CYP7B1: variants seen among roughly 807,000 people sequenced by gnomAD.
The protein encoded by CYP7B1 is cytochrome P450 7B1.
Under a neutral mutation model 42.7 loss-of-function variants are expected in CYP7B1, and 29 were observed. That is an observed-to-expected ratio of 0.68 (90% CI 0.51 to 0.93). CYP7B1 has a LOEUF of 0.93. CYP7B1 is among the 40% of genes least tolerant of loss of function. The probability of loss-of-function intolerance (pLI) is 0.00; values close to 1 mark genes in which losing one functional copy is unlikely to be tolerated. For synonymous variants in CYP7B1, 235 were observed against 218.2 expected, an observed-to-expected ratio of 1.08 and a Z score of -0.68; for missense variants, 655 against 600.5, an observed-to-expected ratio of 1.09 and a Z score of -0.95.
At chr8:64,779,282 C>T (rs1182459959) in intron 1 of CYP7B1, among the ~76,000 whole-genome samples, 2 of 151,986 alleles carry the variant, frequency 1.3e-5, no homozygotes. Flanking sequence ...GACTTTCAAC[C>T]TCTATAAAAT....
chr8:64,591,393 T>C lies in CYP7B1; in HGVS notation c.*5249A>G, dbSNP rs1384362570. Among the ~76,000 whole-genome samples the C allele has an allele frequency of 6.6e-6, 1 of 152,196 alleles. No homozygotes were observed. Among genetic ancestry groups the C allele is most frequent in the Non-Finnish European group, 1.5e-5 (1 of 68,016 alleles). On this transcript the variant is annotated 3_prime_UTR_variant, in exon 6 of 6. Coordinates refer to ENST00000310193, the MANE Select transcript of CYP7B1 (RefSeq NM_004820.5). ...TACAAGTAAACAATAGTTTGCAAGA[T>C]TGGCAAATTTAATAGGTTAAAAAAT...
In CYP7B1 at chr8:64,593,230, A is replaced by AGGGG. The variant is rs138770801; in HGVS notation, c.*3411_*3412insCCCC. On this transcript the variant is annotated 3_prime_UTR_variant, in exon 6 of 6. Transcript: ENST00000310193. ...TGTGGTGGACTAAAGGCTAGGGCCC[A>AGGGG]GGGTGTGTGTGTGTGTGTGTGTGTG... 6.2e-5 allele frequency among the ~76,000 whole-genome samples: 7 copies of AGGGG among 113,758 alleles called. No homozygotes were observed. The South Asian group carries it at 1.3e-3, about 21-fold the overall frequency. The allele number at this position is 113,758 out of a possible 152,430, so 74.6% of individuals were successfully genotyped here. A position where few individuals can be genotyped will look rare whatever the true frequency, so the allele number is the denominator to read the frequency against.
chr8:64,599,290 G>T (rs1378404478), intron 5 of CYP7B1, among the ~76,000 whole-genome samples: 1 of 151,994 alleles, frequency 6.6e-6, no homozygotes, highest in Non-Finnish European at 1.5e-5. Context: ...CTGGGTTCAC[G>T]CCATTCTCCT....
Position 64,611,789 on chromosome 8 carries a change from A to T in CYP7B1, c.1057+3237T>A, listed in dbSNP as rs377013472. Reference sequence around the variant, plus strand: ...CAGTTCTGATTTACCTTGACTTTCCAGAGTATGTTTGCTCTTTTCACTGGT... The same window carrying T: ...CAGTTCTGATTTACCTTGACTTTCCTGAGTATGTTTGCTCTTTTCACTGGT... On this transcript the variant is annotated intron_variant, in intron 4 of 5. Coordinates refer to ENST00000310193, the MANE Select transcript of CYP7B1 (RefSeq NM_004820.5). 2.6e-5 allele frequency among the ~76,000 whole-genome samples: 4 copies of T among 152,092 alleles called. No homozygotes were observed. In the East Asian group the frequency reaches 5.8e-4, roughly 22 times the overall value.
chr8:64,628,357 A>T (rs562937585), intron 1 of CYP7B1, among the ~76,000 whole-genome samples: 1 of 152,332 alleles, frequency 6.6e-6, no homozygotes, highest in South Asian at 2.1e-4. Context: ...ATCTGGAAAC[A>T]AATTTTGGAG....
chr8:64,650,602 C>T (rs1298058398), intron 1 of CYP7B1, among the ~76,000 whole-genome samples: 1 of 152,106 alleles, frequency 6.6e-6, no homozygotes, highest in Non-Finnish European at 1.5e-5. Flanking sequence ...GAGCCTAGAT[C>T]GTGCTGTTGC....
Position 64,596,358 on chromosome 8 carries a change from T to C in CYP7B1, c.*284A>G. 1 of 310,502 alleles carries C rather than the reference T, an allele frequency of 3.2e-6. No homozygotes were observed. Among genetic ancestry groups the C allele is most frequent in the South Asian group, 4.1e-5 (1 of 24,652 alleles). 19.2% of individuals were successfully genotyped at this position (310,502 alleles called of 1,614,324 possible). ...TATTGGTGTGAAGGTACATTTATTA[T>C]AACAGGTGAAAATCACAACAAGGAG... is the stretch of plus-strand genomic sequence containing the variant. On this transcript the variant is annotated 3_prime_UTR_variant, in exon 6 of 6. Coordinates refer to ENST00000310193, the MANE Select transcript of CYP7B1 (RefSeq NM_004820.5).
At chr8:64,771,030 G>C (rs1322300369) in intron 1 of CYP7B1, among the ~76,000 whole-genome samples, 2 of 125,276 alleles carry the variant, frequency 1.6e-5, no homozygotes, top group Admixed American at 8.3e-5. Flanking sequence ...AGAATCTCAA[G>C]AGTGGGATAT....
At position 64,615,740 on chromosome 8, in the gene CYP7B1, C is replaced by A. The variant is rs1267105812; in HGVS notation, c.801G>T (p.Arg267Ser). 1.3e-5 allele frequency: 21 copies of A among 1,613,674 alleles called. No individual in the cohort carries two copies. Among genetic ancestry groups the A allele is most frequent in the Non-Finnish European group, 1.8e-5 (21 of 1,179,750 alleles). ...CATAATATTTCTCCAGGACATCTTG[C>A]CTGCTTTGAAAAACTTCTGACCATC... Reference protein sequence around the residue: ...MQGWSEVFQSRQDVLEKYYVH... With the variant: ...MQGWSEVFQSSQDVLEKYYVH... The change falls in exon 3 of 6, where the codon AGG becomes AGT. Residue 267 changes from arginine (R) to serine (S), a missense_variant. Transcript: ENST00000310193.
intron 1 of CYP7B1, among the ~76,000 whole-genome samples, chr8:64,765,030 A>G (rs1807950444): frequency 6.6e-6 from 1 of 152,142 alleles, no homozygotes; most frequent in Admixed American, 6.5e-5. Flanking sequence ...AAACTCTTGT[A>G]GAAGCAGAGT....
At position 64,593,232 on chromosome 8, in the gene CYP7B1, G is replaced by GGGGT. The variant is rs1285868725; in HGVS notation, c.*3409_*3410insACCC. Among the ~76,000 whole-genome samples, 3,902 of 123,388 alleles carry GGGGT rather than the reference G, an allele frequency of 0.032. 78 individuals are homozygous for GGGGT. Among genetic ancestry groups the GGGGT allele is most frequent in the Non-Finnish European group, 0.047 (2,595 of 55,180 alleles). The allele number at this position is 123,388 out of a possible 152,430, so 80.9% of individuals were successfully genotyped here. On this transcript the variant is annotated 3_prime_UTR_variant, in exon 6 of 6. Transcript: ENST00000310193. The stretch of plus-strand genomic sequence containing the variant: ...TGGTGGACTAAAGGCTAGGGCCCAG[G>GGGGT]GTGTGTGTGTGTGTGTGTGTGTGTG...
chr8:64,616,735 A>G (rs893513721), intron 2 of CYP7B1, among the ~76,000 whole-genome samples: 6 of 152,232 alleles, frequency 3.9e-5, no homozygotes, highest in African/African-American at 1.4e-4. Context: ...GTTCAAATAC[A>G]ACAATTTTAA....
At chr8:64,627,413 T>A (rs750035032) in intron 1 of CYP7B1, among the ~76,000 whole-genome samples, 2 of 152,204 alleles carry the variant, frequency 1.3e-5, no homozygotes, top group African/African-American at 2.4e-5. Context: ...TTGCAAGTGA[T>A]CTAGTTCACC....
intron 1 of CYP7B1, among the ~76,000 whole-genome samples, chr8:64,712,904 T>C (rs950473493): frequency 5.3e-5 from 8 of 152,158 alleles, no homozygotes; most frequent in African/African-American, 1.7e-4. Flanking sequence ...TATATACACA[T>C]GGTAAAAGTA....
chr8:64,640,026 A>T (rs781112124), intron 1 of CYP7B1, among the ~76,000 whole-genome samples: 15 of 152,154 alleles, frequency 9.9e-5, no homozygotes, highest in Non-Finnish European at 1.8e-4. Flanking sequence ...TAAACCCCCA[A>T]AAGCATTATG....
chr8:64,722,750 G>T (rs796232351), intron 1 of CYP7B1, among the ~76,000 whole-genome samples: 4 of 102,194 alleles, frequency 3.9e-5, no homozygotes, highest in Non-Finnish European at 5.7e-5. Flanking sequence ...CGGCGGGGGG[G>T]GGGGGGCGGG....
At chr8:64,759,498 AAAG>A (rs1347245075) in intron 1 of CYP7B1, among the ~76,000 whole-genome samples, 1 of 152,228 alleles carries the variant, frequency 6.6e-6, no homozygotes, top group East Asian at 1.9e-4. Flanking sequence ...CTGAAAATCA[AAAG>A]AATGGTCAGC....
At chr8:64,670,234 A>G (rs971950391) in intron 1 of CYP7B1, among the ~76,000 whole-genome samples, 1 of 152,202 alleles carries the variant, frequency 6.6e-6, no homozygotes, top group Non-Finnish European at 1.5e-5. Context: ...CCAGCAGTAG[A>G]GCCAAAGCAA....
intron 1 of CYP7B1, 21 bp downstream of exon 1, chr8:64,798,445 C>T (rs1396765114): frequency 2.0e-6 from 3 of 1,507,140 alleles, no homozygotes; most frequent in Non-Finnish European, 1.8e-6. Context: ...GCATGCGTGG[C>T]CTGGCGGCCG....
Sources: gnomAD v4.1 joint callset for allele counts (sites outside exome capture counted in the v4.1 genomes callset) on GRCh38, gnomAD v4.1.1 for gene constraint, MANE v1.5 for transcripts, NCBI Gene and HGNC (gene_info 2026-07-23, HGNC 2026-07-21) for gene names.